Variants in AP2B1 observed in about 807,000 individuals in gnomAD.
The protein encoded by AP2B1 is adaptor related protein complex 2 subunit beta 1.
A neutral mutation model predicts 102.0 loss-of-function variants in AP2B1; 23 were observed. The ratio of observed to expected loss-of-function variants is 0.23; its 90% CI spans 0.16 to 0.32. The LOEUF (loss-of-function observed/expected upper bound fraction) is 0.32. AP2B1 is among the 10% of genes least tolerant of loss of function. AP2B1 has a pLI of 1.00. For synonymous variants in AP2B1, 381 were observed against 421.2 expected (o/e 0.90, Z 1.17); for missense variants, 541 against 1,157.4 (o/e 0.47, Z 7.73).
intron 9 of AP2B1, among the ~76,000 whole-genome samples, chr17:35,629,154 G>T (rs117132030): frequency 0.013 from 1,942 of 152,158 alleles, 22 homozygotes; most frequent in Non-Finnish European, 0.019. Context: ...CGCCATGTTG[G>T]CTGGGCTGGT....
chr17:35,608,700 T>A (rs2073767910), intron 5 of AP2B1, among the ~76,000 whole-genome samples: 3 of 152,218 alleles, frequency 2.0e-5, no homozygotes, highest in Non-Finnish European at 1.5e-5. Flanking sequence ...ATATTTAAGA[T>A]TATTTTCTTC....
chr17:35,613,570 T>C (rs909521519), intron 5 of AP2B1, among the ~76,000 whole-genome samples: 1 of 152,216 alleles, frequency 6.6e-6, no homozygotes, highest in Non-Finnish European at 1.5e-5. Flanking sequence ...TTTATGTTCA[T>C]GTTGTTTAAC....
chr17:35,599,486 G>C (rs370607455), intron 3 of AP2B1, among the ~76,000 whole-genome samples: 45 of 152,230 alleles, frequency 3.0e-4, no homozygotes, highest in African/African-American at 1.1e-3. Flanking sequence ...TGAAATTAAT[G>C]ATTGTGATTA....
chr17:35,643,147 C>T (rs1345071487), intron 12 of AP2B1, among the ~76,000 whole-genome samples: 1 of 150,010 alleles, frequency 6.7e-6, no homozygotes, highest in Non-Finnish European at 1.5e-5. Context: ...TCTTGGGCCA[C>T]ACATAAAATA....
At chr17:35,623,015 A>C (rs2074224494) in intron 5 of AP2B1, among the ~76,000 whole-genome samples, 1 of 151,948 alleles carries the variant, frequency 6.6e-6, no homozygotes, top group Non-Finnish European at 1.5e-5. Context: ...CTAATCTTTC[A>C]TCAGCATCTG....
chr17:35,720,401 A>T (rs1460509940), intron 21 of AP2B1, among the ~76,000 whole-genome samples: 2 of 151,684 alleles, frequency 1.3e-5, no homozygotes, highest in African/African-American at 4.9e-5. Flanking sequence ...AAGATATCCC[A>T]GAAGAAATTG....
chr17:35,625,620 A>T (rs2074292737), intron 6 of AP2B1, among the ~76,000 whole-genome samples: 1 of 151,814 alleles, frequency 6.6e-6, no homozygotes, highest in Non-Finnish European at 1.5e-5. Flanking sequence ...ATTCTGAAGG[A>T]TGGGGGTAGG....
intron 2 of AP2B1, among the ~76,000 whole-genome samples, chr17:35,594,309 T>C (rs1355065928): frequency 6.6e-6 from 1 of 152,222 alleles, no homozygotes; most frequent in Admixed American, 6.5e-5. Flanking sequence ...AAGAGACTCC[T>C]CTTTGCTGTT....
Position 35,627,692 on chromosome 17 carries a change from T to A in AP2B1, c.1121T>A (p.Val374Glu). 6.2e-7 allele frequency: 1 copy of A among 1,614,112 alleles called. No individual in the cohort carries two copies. Among genetic ancestry groups the A allele is most frequent in the Non-Finnish European group, 8.5e-7 (1 of 1,179,986 alleles). The change falls in exon 9 of 22, where the codon GTG becomes GAG. Residue 374 changes from valine to glutamate, a missense_variant. Transcript: ENST00000610402. ...GATGTTGACTTTGTTCGAAAAGCTG[T>A]GCGGGCCATTGGACGGTGTGCCATC... is the stretch of plus-strand genomic sequence containing the variant. ...EVDVDFVRKA[V>E]RAIGRCAIKV...
rs1379594549 is a variant in AP2B1, at chr17:35,636,327, A to G, written c.1156-14A>G. On this transcript the variant is annotated splice_polypyrimidine_tract_variant and intron_variant, in intron 9 of 21. Coordinates refer to ENST00000610402, the MANE Select transcript of AP2B1 (RefSeq NM_001030006.2). ...GATCATCTGACTTCTCATTTTTTGT[A>G]TTTTTCTTCCCAGCAATCTGCAGAG... 6.3e-7 allele frequency: 1 copy of G among 1,597,042 alleles called. No homozygotes were observed.
chr17:35,614,344 C>T (rs1451368966), intron 5 of AP2B1, among the ~76,000 whole-genome samples: 1 of 152,046 alleles, frequency 6.6e-6, no homozygotes, highest in Non-Finnish European at 1.5e-5. Context: ...GCTACCATGC[C>T]CAGCTAATTT....
intron 4 of AP2B1, among the ~76,000 whole-genome samples, chr17:35,607,083 T>C (rs1325894951): frequency 6.6e-6 from 1 of 152,102 alleles, no homozygotes; most frequent in Non-Finnish European, 1.5e-5. Context: ...TTTTGTATAT[T>C]TAGTAGAGAT....
chr17:35,625,809 C>T (rs547951812), intron 6 of AP2B1, among the ~76,000 whole-genome samples: 2 of 152,104 alleles, frequency 1.3e-5, no homozygotes, highest in South Asian at 4.2e-4. Context: ...CAGGGAAGAC[C>T]TCACTGAGAA....
intron 20 of AP2B1, among the ~76,000 whole-genome samples, chr17:35,713,411 G>C (rs2076490553): frequency 6.6e-6 from 1 of 152,102 alleles, no homozygotes; most frequent in Non-Finnish European, 1.5e-5. Context: ...ATCCTTTCCA[G>C]CTCTTCCTTT....
At chr17:35,717,136 A>C in intron 20 of AP2B1, 59 bp from the exon 21 acceptor site, 1 of 1,569,316 alleles carries the variant, frequency 6.4e-7, no homozygotes, top group South Asian at 1.1e-5. Flanking sequence ...GTGAGAAGAG[A>C]GTGTACATTT....
In AP2B1 at chr17:35,662,531, TG is replaced by T. The variant is rs146475575; in HGVS notation, c.1989+4741del. On this transcript the variant is annotated intron_variant, in intron 14 of 21. Coordinates refer to ENST00000610402, the MANE Select transcript of AP2B1 (RefSeq NM_001030006.2). ...ATGTGGAGTTTTTTGGGTTTGGGTTTGTTTTTTTTTTTTTTTTTTTATGACT... is the reference window on the plus strand; with the variant it reads ...ATGTGGAGTTTTTTGGGTTTGGGTTTTTTTTTTTTTTTTTTTTTTATGACT... 1.8e-3 allele frequency among the ~76,000 whole-genome samples: 168 copies of T among 91,668 alleles called. 1 individual carries two copies. The highest frequency in any genetic ancestry group is 5.5e-3 in the Admixed American group (43 of 7,802). The allele number at this position is 91,668 out of a possible 152,430, so 60.1% of individuals were successfully genotyped here.
chr17:35,591,452 C>T (rs1457356101), intron 1 of AP2B1, among the ~76,000 whole-genome samples: 3 of 152,054 alleles, frequency 2.0e-5, no homozygotes, highest in Non-Finnish European at 2.9e-5. Flanking sequence ...GGATTACAGG[C>T]GTGAGCCACC....
At chr17:35,709,137 A>C in intron 18 of AP2B1, 87 bp from the exon 19 acceptor site, 23 of 1,070,794 alleles carry the variant, frequency 2.1e-5, no homozygotes, top group Non-Finnish European at 3.3e-5. Context: ...GGAAATAGGG[A>C]GGCCTATTTC....
At chr17:35,631,312 CAA>C (rs1015630022) in intron 9 of AP2B1, among the ~76,000 whole-genome samples, 48 of 151,960 alleles carry the variant, frequency 3.2e-4, no homozygotes, top group African/African-American at 1.1e-3. Context: ...TTCTTAAAGA[CAA>C]AAAACATATT....
Sources: allele counts gnomAD v4.1 joint callset (sites outside exome capture counted in the v4.1 genomes callset), GRCh38; gene constraint gnomAD v4.1.1; transcripts MANE v1.5; gene names NCBI Gene and HGNC (gene_info 2026-07-23, HGNC 2026-07-21).